The following PLA2G6 variants were observed in gnomAD, a reference collection of about 807,000 sequenced individuals.
PLA2G6 encodes the protein phospholipase A2 group VI, also known as 85/88 kDa calcium-independent phospholipase A2.
In PLA2G6, 62 loss-of-function variants were observed where a neutral mutation model predicts 83.8. That is an observed-to-expected ratio of 0.74 (90% confidence interval 0.60 to 0.91). The LOEUF is 0.91. Among genes scored for constraint, PLA2G6 ranks in the 40% least tolerant of loss-of-function variants. The pLI is 0.00. For missense variants in PLA2G6, 944 were observed against 1,102.0 expected, an observed-to-expected ratio of 0.86 and a Z score of 2.03; for synonymous variants, 417 against 449.8, an observed-to-expected ratio of 0.93 and a Z score of 0.92.
intron 2 of PLA2G6, among the ~76,000 whole-genome samples, chr22:38,158,373 G>A (rs2089876435): frequency 6.6e-6 from 1 of 151,998 alleles, no homozygotes; most frequent in Admixed American, 6.6e-5. Flanking sequence ...GTTTCACCAT[G>A]TTGGCCAGGC....
At chr22:38,124,007 G>T (rs1219815857) in intron 10 of PLA2G6, among the ~76,000 whole-genome samples, 1 of 152,040 alleles carries the variant, frequency 6.6e-6, no homozygotes, top group African/African-American at 2.4e-5. Flanking sequence ...AGCTAATTTT[G>T]TATTTTTAAT....
chr22:38,174,224 G>A (rs993690437), intron 1 of PLA2G6, among the ~76,000 whole-genome samples: 5 of 151,474 alleles, frequency 3.3e-5, no homozygotes, highest in African/African-American at 1.2e-4. Context: ...GTGAAACCCC[G>A]TCTCTACTAA....
At chr22:38,127,460 T>G (rs761449282) in intron 9 of PLA2G6, 6 of 1,329,884 alleles carry the variant, frequency 4.5e-6, no homozygotes, top group Non-Finnish European at 5.0e-6. Flanking sequence ...GGTGACTGCC[T>G]GCAAAATTGA....
chr22:38,121,309 G>A (rs531257281), intron 11 of PLA2G6, among the ~76,000 whole-genome samples: 19 of 152,276 alleles, frequency 1.2e-4, no homozygotes, highest in Non-Finnish European at 2.1e-4. Flanking sequence ...ACCCGGGAGC[G>A]GAGGTTGCAG....
Position 38,167,052 on chromosome 22 carries a change from C to T in PLA2G6, c.209+2166G>A, listed in dbSNP as rs189674017. Among the ~76,000 whole-genome samples the T allele has an allele frequency of 3.3e-3, 498 of 152,046 alleles. 7 individuals carry two copies. Among genetic ancestry groups the T allele is most frequent in the African/African-American group, 0.012 (485 of 41,462 alleles). On this transcript the variant is annotated intron_variant, in intron 2 of 16. Transcript: ENST00000332509. Reference sequence around the variant, plus strand: ...GACCATCCTGGCTAACATGGTGAAACCCCATCTCTACTAAAAATACAAAAT... The same window carrying T: ...GACCATCCTGGCTAACATGGTGAAATCCCATCTCTACTAAAAATACAAAAT...
At chr22:38,126,274 G>T in intron 10 of PLA2G6, 97 bp downstream of exon 10, 1 of 893,934 alleles carries the variant, frequency 1.1e-6, no homozygotes, top group Non-Finnish European at 1.9e-6. Context: ...GGCTGTGAGG[G>T]TGCAGAGAGT....
At chr22:38,168,601 G>A (rs11570614) in intron 2 of PLA2G6, among the ~76,000 whole-genome samples, 3,236 of 152,302 alleles carry the variant, frequency 0.021, 126 homozygotes, top group African/African-American at 0.074. Context: ...TGCAATCCCA[G>A]CACTTTGGGA....
Position 38,145,529 on chromosome 22 carries a change from C to T in PLA2G6, c.334G>A (p.Asp112Asn), listed in dbSNP as rs373450648. The part of the protein sequence containing the change: ...LHTEVLQHLT[D>N]LIRNHPSWSV... ...CAGCTGGGGTGGTTACGGATGAGGT[C>T]GGTCAGGTGCTGCAGGACCTCAGTG... Residue 112 changes from aspartate (D) to asparagine (N), a missense_variant, in exon 3 of 17, where the codon GAC (aspartate) becomes AAC (asparagine). Coordinates refer to ENST00000332509, the MANE Select transcript of PLA2G6 (RefSeq NM_003560.4). 11 of 1,613,352 alleles carry T rather than the reference C, an allele frequency of 6.8e-6. No individual in the cohort carries two copies. The highest frequency in any genetic ancestry group is 2.7e-5 in the African/African-American group (2 of 74,904).
At chr22:38,162,117 G>C (rs2090036128) in intron 2 of PLA2G6, among the ~76,000 whole-genome samples, 1 of 149,016 alleles carries the variant, frequency 6.7e-6, no homozygotes, top group Non-Finnish European at 1.5e-5. Flanking sequence ...CTGAGGCAGA[G>C]AGAACTGCTT....
At position 38,143,034 on chromosome 22, in the gene PLA2G6, T is replaced by C. The variant is rs4375; in HGVS notation, c.609+71A>G. On this transcript the variant is annotated intron_variant, in intron 4 of 16. Coordinates refer to ENST00000332509, the MANE Select transcript of PLA2G6 (RefSeq NM_003560.4). ...GAGGCCTGAGAGTGACACCTGAGCC[T>C]AGGGGCCCAAAGGGAACCGTGGACA... 643,952 of 1,433,638 alleles carry C rather than the reference T, an allele frequency of 0.45. 148,246 individuals are homozygous for C. The highest frequency in any genetic ancestry group is 0.61 in the African/African-American group (43,680 of 71,444). The allele number at this position is 1,433,638 out of a possible 1,614,324, so 88.8% of individuals were successfully genotyped here.
At chr22:38,167,583 T>C (rs1299259988) in intron 2 of PLA2G6, among the ~76,000 whole-genome samples, 2 of 152,184 alleles carry the variant, frequency 1.3e-5, no homozygotes, top group Non-Finnish European at 2.9e-5. Flanking sequence ...TCAGTCCTGA[T>C]CGAGTCCAGC....
At chr22:38,170,362 G>A (rs2145934121) in intron 1 of PLA2G6, among the ~76,000 whole-genome samples, 1 of 152,118 alleles carries the variant, frequency 6.6e-6, no homozygotes, top group Admixed American at 6.5e-5. Flanking sequence ...GCTACCACAG[G>A]TTTCCCAAAG....
chr22:38,113,690 C>T (rs776888762), intron 14 of PLA2G6, 36 bp from the exon 15 acceptor site: 1 of 1,605,784 alleles, frequency 6.2e-7, no homozygotes, highest in Non-Finnish European at 8.5e-7. Context: ...CAGAAGAGAC[C>T]TTCCACAGGT....
Position 38,128,505 on chromosome 22 carries a change from T to A in PLA2G6, c.1187-75A>T. 1 of 1,505,538 alleles carries A rather than the reference T, an allele frequency of 6.6e-7. No homozygotes were observed. The highest frequency in any genetic ancestry group is 9.2e-7 in the Non-Finnish European group (1 of 1,092,446). 93.3% of individuals were successfully genotyped at this position (1,505,538 alleles called of 1,614,324 possible). A position where few individuals can be genotyped will look rare whatever the true frequency, so the allele number is the denominator to read the frequency against. The stretch of plus-strand genomic sequence containing the variant: ...CAACATGCAAAGGAGAGGCCCCTCC[T>A]TTCCACACTCCGTCCCCTGTCCCAG... On this transcript the variant is annotated intron_variant, in intron 8 of 16. Transcript: ENST00000332509. The surrounding 1 kb of genome is among the most constrained non-coding windows in gnomAD (Gnocchi z 4.4).
intron 5 of PLA2G6, chr22:38,137,884 C>T (rs2088652260): frequency 6.6e-6 from 1 of 152,208 alleles, no homozygotes; most frequent in African/African-American, 2.4e-5. Context: ...GAGGGAGCTC[C>T]TAGTCTGAGC....
At chr22:38,164,666 C>T (rs1382971550) in intron 2 of PLA2G6, among the ~76,000 whole-genome samples, 2 of 152,212 alleles carry the variant, frequency 1.3e-5, no homozygotes, top group East Asian at 3.8e-4. Flanking sequence ...CTCAGCCTGG[C>T]AGCTCACTGC....
chr22:38,144,100 G>T (rs2089088793), intron 3 of PLA2G6: 1 of 156,970 alleles, frequency 6.4e-6, no homozygotes, highest in Non-Finnish European at 1.4e-5. Flanking sequence ...CTAGGATAGA[G>T]ACTCAGAGGA....
At chr22:38,112,819 G>T (rs373268044) in intron 15 of PLA2G6, 73 of 594,944 alleles carry the variant, frequency 1.2e-4, no homozygotes, top group African/African-American at 1.1e-3. Flanking sequence ...GATGATGAGT[G>T]GGGGAAAGGG....
chr22:38,116,922 A>G (rs1395877059), intron 12 of PLA2G6, among the ~76,000 whole-genome samples: 1 of 149,930 alleles, frequency 6.7e-6, no homozygotes, highest in Non-Finnish European at 1.5e-5. Flanking sequence ...AAAGATTTAG[A>G]TGAAATGGAC....
Sources: allele counts gnomAD v4.1 joint callset (sites outside exome capture counted in the v4.1 genomes callset), GRCh38; gene constraint gnomAD v4.1.1; non-coding constraint Gnocchi (gnomAD v3.1); transcripts MANE v1.5; gene names NCBI Gene and HGNC (gene_info 2026-07-23, HGNC 2026-07-21).